The following NFIA variants were observed in gnomAD, a reference collection of about 807,000 sequenced individuals.
NFIA encodes the protein nuclear factor I A.
Under a neutral mutation model 62.8 loss-of-function variants are expected in NFIA, and 8 were observed. That is an observed-to-expected ratio of 0.13 (90% CI 0.07 to 0.23). The LOEUF is 0.23. Among genes scored for constraint, NFIA ranks in the 10% least tolerant of loss-of-function variants. NFIA has a pLI of 1.00. For missense variants in NFIA, 410 were observed against 642.1 expected, an observed-to-expected ratio of 0.64 and a Z score of 3.91; for synonymous variants, 235 against 238.1, an observed-to-expected ratio of 0.99 and a Z score of 0.12.
intron 2 of NFIA, among the ~76,000 whole-genome samples, chr1:61,139,770 A>G (rs1272359817): frequency 6.6e-6 from 1 of 151,538 alleles, no homozygotes; most frequent in African/African-American, 2.4e-5. Flanking sequence ...AGACTATGTC[A>G]TGAGCTGAAC....
intron 3 of NFIA, among the ~76,000 whole-genome samples, chr1:61,281,398 A>T (rs1658124342): frequency 6.6e-6 from 1 of 152,242 alleles, no homozygotes; most frequent in Non-Finnish European, 1.5e-5. Context: ...TGTCGTATTT[A>T]CAACGAGTAC....
At chr1:61,397,629 C>T (rs766129381) in intron 7 of NFIA, among the ~76,000 whole-genome samples, 1 of 152,168 alleles carries the variant, frequency 6.6e-6, no homozygotes, top group Admixed American at 6.5e-5. Flanking sequence ...TACATTGTCT[C>T]ATTTAGTCTT....
chr1:61,458,687 CTTTTTTT>C lies in NFIA; in HGVS notation c.*3378_*3384del, dbSNP rs373669664. On this transcript the variant is annotated 3_prime_UTR_variant, in exon 11 of 11. Transcript: ENST00000403491. ...TTTAAGTTTAAAACTTTCCTGTTTC[CTTTTTTT>C]TTTTTTTTTTGTAAGTATTTAAATA... 2 of 127,408 alleles carry C rather than the reference CTTTTTTT, an allele frequency of 1.6e-5. No homozygotes were observed. Among genetic ancestry groups the C allele is most frequent in the South Asian group, 2.6e-4 (1 of 3,828 alleles). 7.9% of individuals were successfully genotyped at this position (127,408 alleles called of 1,614,324 possible).
chr1:61,379,402 C>CTTTTTTT (rs60735193), intron 6 of NFIA, among the ~76,000 whole-genome samples: 108 of 98,204 alleles, frequency 1.1e-3, no homozygotes, highest in Non-Finnish European at 1.4e-3. Context: ...TTTTCTTTTT[C>CTTTTTTT]TTTTTTTTTT....
At chr1:61,386,907 G>C (rs1163409204) in intron 7 of NFIA, among the ~76,000 whole-genome samples, 6 of 152,300 alleles carry the variant, frequency 3.9e-5, no homozygotes, top group African/African-American at 1.2e-4. Context: ...TCTGTGTCTG[G>C]TGAGGGCCCA....
At chr1:61,267,128 A>T (rs1657221911) in intron 2 of NFIA, among the ~76,000 whole-genome samples, 1 of 152,232 alleles carries the variant, frequency 6.6e-6, no homozygotes, top group Non-Finnish European at 1.5e-5. Flanking sequence ...TATTAAAGGG[A>T]GGATACCAGG....
At chr1:61,082,856 G>C (rs1646138357) in intron 1 of NFIA, 38 bp downstream of exon 1, 1 of 1,545,066 alleles carries the variant, frequency 6.5e-7, no homozygotes, top group Middle Eastern at 1.9e-4. Context: ...TTGGGGGCCG[G>C]GGCGCCGGGG....
rs543181361 is a variant in NFIA, at chr1:61,424,480, C to G, written c.1421-1985C>G. ...GAGCAGCAGGCGAGTGCACACTGTT[C>G]TATCAGGGCCATCAAACATGGACTC... On this transcript the variant is annotated intron_variant, in intron 9 of 10. Coordinates refer to ENST00000403491, the MANE Select transcript of NFIA (RefSeq NM_001134673.4). 3.9e-5 allele frequency among the ~76,000 whole-genome samples: 6 copies of G among 152,244 alleles called. No individual in the cohort carries two copies. In the South Asian group the frequency reaches 1.2e-3, roughly 32 times the overall value.
At chr1:61,360,799 A>C (rs1474310548) in intron 6 of NFIA, among the ~76,000 whole-genome samples, 1 of 152,246 alleles carries the variant, frequency 6.6e-6, no homozygotes, top group East Asian at 1.9e-4. Flanking sequence ...TGCTCAAGTT[A>C]ATTTTACTGT....
chr1:61,458,505 A>T lies in NFIA; in HGVS notation c.*3185A>T, dbSNP rs1668401801. ...ATAGTTTTATTGATTACACTGATTT[A>T]TTCTACCCTATTTTATAATGCAGGA... is the stretch of plus-strand genomic sequence containing the variant. On this transcript the variant is annotated 3_prime_UTR_variant, in exon 11 of 11. Coordinates refer to ENST00000403491, the MANE Select transcript of NFIA (RefSeq NM_001134673.4). 1 of 152,184 alleles carries T rather than the reference A, an allele frequency of 6.6e-6. No individual in the cohort carries two copies. Among genetic ancestry groups the T allele is most frequent in the Non-Finnish European group, 1.5e-5 (1 of 68,014 alleles). 9.4% of individuals were successfully genotyped at this position (152,184 alleles called of 1,614,324 possible). A position where few individuals can be genotyped will look rare whatever the true frequency, so the allele number is the denominator to read the frequency against.
In NFIA at chr1:61,125,717, G is replaced by T. The variant is rs148205979; in HGVS notation, c.559+37037G>T. Among the ~76,000 whole-genome samples, 72 of 152,304 alleles carry T rather than the reference G, an allele frequency of 4.7e-4. 1 individual carries two copies. In the East Asian group the frequency reaches 0.01, roughly 22 times the overall value. On this transcript the variant is annotated intron_variant, in intron 2 of 10. Transcript: ENST00000403491. The stretch of plus-strand genomic sequence containing the variant: ...AAGAAAAACAAGAGCATTCATTCTG[G>T]TTTTTTAAGGTAGCTGCTCAAGGAA...
chr1:61,197,624 G>T (rs1422230176), intron 2 of NFIA, among the ~76,000 whole-genome samples: 2 of 151,990 alleles, frequency 1.3e-5, no homozygotes, highest in African/African-American at 4.8e-5. Flanking sequence ...TCTTAATATT[G>T]CATGGTTTGG....
chr1:61,193,433 T>A (rs1651779289), intron 2 of NFIA, among the ~76,000 whole-genome samples: 1 of 152,228 alleles, frequency 6.6e-6, no homozygotes, highest in Non-Finnish European at 1.5e-5. Flanking sequence ...TCACTCTCTC[T>A]GGTGTTCTGT....
At chr1:61,356,868 G>A (rs1662980827) in intron 5 of NFIA, among the ~76,000 whole-genome samples, 1 of 152,086 alleles carries the variant, frequency 6.6e-6, no homozygotes, top group Non-Finnish European at 1.5e-5. Context: ...GCCATAAATT[G>A]GCCCTCCACA....
At chr1:61,260,792 G>A (rs1656719787) in intron 2 of NFIA, among the ~76,000 whole-genome samples, 1 of 152,106 alleles carries the variant, frequency 6.6e-6, no homozygotes, top group Non-Finnish European at 1.5e-5. Flanking sequence ...GTGTTAGCCA[G>A]GATGGTCTCG....
chr1:61,276,338 G>A (rs936637856), intron 2 of NFIA, among the ~76,000 whole-genome samples: 6 of 152,172 alleles, frequency 3.9e-5, no homozygotes, highest in Admixed American at 6.6e-5. Context: ...AGAAAGAGAA[G>A]GGTGATGCTA....
At position 61,229,042 on chromosome 1, in the gene NFIA, T is replaced by C. The variant is rs145728181; in HGVS notation, c.560-48478T>C. Among the ~76,000 whole-genome samples the C allele has an allele frequency of 6.9e-3, 1,049 of 151,882 alleles. 10 individuals carry two copies. The highest frequency in any genetic ancestry group is 0.023 in the African/African-American group (966 of 41,428). On this transcript the variant is annotated intron_variant, in intron 2 of 10. Transcript: ENST00000403491. ...AATGCAAATATATTGCCCAAAAAAA[T>C]ACACAAATTATTGTCTTTCATATAG...
chr1:61,314,245 C>T (rs1215295058), intron 3 of NFIA, among the ~76,000 whole-genome samples: 2 of 152,140 alleles, frequency 1.3e-5, no homozygotes, highest in Non-Finnish European at 2.9e-5. Flanking sequence ...GCTTCCACTA[C>T]CAGAGCCCTT....
chr1:61,370,377 C>G (rs558762670), intron 6 of NFIA, among the ~76,000 whole-genome samples: 84 of 152,266 alleles, frequency 5.5e-4, no homozygotes, highest in African/African-American at 2.0e-3. Flanking sequence ...GAATGGCACA[C>G]CAAGTACTGA....
Sources: allele counts gnomAD v4.1 joint callset (sites outside exome capture counted in the v4.1 genomes callset), GRCh38; gene constraint gnomAD v4.1.1; transcripts MANE v1.5; gene names NCBI Gene and HGNC (gene_info 2026-07-23, HGNC 2026-07-21).